DCSTAMP: variants seen among roughly 807,000 people sequenced by gnomAD.
DCSTAMP encodes the protein dendrocyte expressed seven transmembrane protein, also known as dendritic cell-specific transmembrane protein.
In DCSTAMP, 25 loss-of-function variants were observed where a neutral mutation model predicts 33.8. The observed-to-expected ratio is 0.74, with a 90% confidence interval of 0.54 to 1.03. DCSTAMP has a LOEUF of 1.03. Ranked by LOEUF, DCSTAMP falls within the 50% of genes least tolerant of loss-of-function variation. The pLI is 0.00. For synonymous variants in DCSTAMP, 245 were observed against 216.7 expected (o/e 1.13, Z -1.15); for missense variants, 531 against 556.8 (o/e 0.95, Z 0.47).
At chr8:104,351,516 G>T (rs915665617) in intron 2 of DCSTAMP, among the ~76,000 whole-genome samples, 7 of 152,226 alleles carry the variant, frequency 4.6e-5, no homozygotes, top group Admixed American at 1.3e-4. Context: ...TGCTCCATAG[G>T]CAGAGAAAGA....
Position 104,354,346 on chromosome 8 carries a change from C to G in DCSTAMP, c.1030-531C>G, listed in dbSNP as rs1810552888. Among the ~76,000 whole-genome samples, 2 of 152,216 alleles carry G rather than the reference C, an allele frequency of 1.3e-5. 1 individual carries two copies. The highest frequency in any genetic ancestry group is 4.1e-4 in the South Asian group (2 of 4,822). On this transcript the variant is annotated intron_variant, in intron 2 of 3. Transcript: ENST00000297581. ...AACATCTCTGTGACCTTGTGGTCTG[C>G]TTAAGGGGTATTGGGAGGATATGAT...
rs553933488 is a variant in DCSTAMP, at chr8:104,343,570, G to T, written c.-13+3708G>T. ...AAGGAAGTAATTAAGGTTAAATGAG[G>T]TCCTAAGTGTGGAGCCCTCATCTGA... On this transcript the variant is annotated intron_variant, in intron 1 of 3. Coordinates refer to ENST00000297581, the MANE Select transcript of DCSTAMP (RefSeq NM_030788.4). 2.8e-4 allele frequency among the ~76,000 whole-genome samples: 42 copies of T among 152,288 alleles called. No individual in the cohort carries two copies. In the South Asian group the frequency reaches 2.9e-3, roughly 11 times the overall value.
At chr8:104,349,662 C>G in intron 2 of DCSTAMP, 81 bp downstream of exon 2, 1 of 1,483,548 alleles carries the variant, frequency 6.7e-7, no homozygotes, top group South Asian at 1.3e-5. Context: ...CCTCCCGAGG[C>G]AGGGCAGTGG....
At chr8:104,348,318 G>C (rs551747797) in intron 1 of DCSTAMP, among the ~76,000 whole-genome samples, 1 of 152,256 alleles carries the variant, frequency 6.6e-6, no homozygotes, top group African/African-American at 2.4e-5. Flanking sequence ...ATTGGGCAAA[G>C]AAGTCACAAG....
chr8:104,349,866 G>A lies in DCSTAMP; in HGVS notation c.1029+285G>A, dbSNP rs1451556344. Among the ~76,000 whole-genome samples, 4 of 152,266 alleles carry A rather than the reference G, an allele frequency of 2.6e-5. No homozygotes were observed. The South Asian group carries it at 8.3e-4, about 32-fold the overall frequency. ...AGAAGTTTATTCTTGGATAGTTCTG[G>A]GGGGAGAAGTATGAAGTGAGTGTCG... On this transcript the variant is annotated intron_variant, in intron 2 of 3. Coordinates refer to ENST00000297581, the MANE Select transcript of DCSTAMP (RefSeq NM_030788.4).
At chr8:104,345,994 G>A (rs560409712) in intron 1 of DCSTAMP, among the ~76,000 whole-genome samples, 5 of 152,184 alleles carry the variant, frequency 3.3e-5, no homozygotes, top group Non-Finnish European at 7.3e-5. Context: ...GTCACATCAC[G>A]CAGAGCCATG....
chr8:104,356,048 A>G, intron 3 of DCSTAMP, 76 bp from the exon 4 acceptor site: 1 of 1,338,614 alleles, frequency 7.5e-7, no homozygotes, highest in Non-Finnish European at 1.0e-6. Context: ...TAACCCCACA[A>G]TGAAAAATTG....
At chr8:104,341,553 C>T (rs546003592) in intron 1 of DCSTAMP, among the ~76,000 whole-genome samples, 4 of 152,194 alleles carry the variant, frequency 2.6e-5, no homozygotes, top group Non-Finnish European at 5.9e-5. Context: ...TGTCTGCTAG[C>T]TAGCATGGGC....
intron 2 of DCSTAMP, among the ~76,000 whole-genome samples, chr8:104,353,508 T>G (rs1187627937): frequency 1.3e-5 from 2 of 152,246 alleles, no homozygotes; most frequent in African/African-American, 4.8e-5. Context: ...ATATGTTTGT[T>G]TCTTCAATAG....
At chr8:104,353,504 T>A (rs1810524496) in intron 2 of DCSTAMP, among the ~76,000 whole-genome samples, 1 of 152,220 alleles carries the variant, frequency 6.6e-6, no homozygotes, top group African/African-American at 2.4e-5. Flanking sequence ...ATCGATATGT[T>A]TGTTTCTTCA....
At chr8:104,353,754 G>GATCCTAT (rs1810533119) in intron 2 of DCSTAMP, among the ~76,000 whole-genome samples, 2 of 152,240 alleles carry the variant, frequency 1.3e-5, no homozygotes, top group Non-Finnish European at 2.9e-5. Flanking sequence ...CGTCCGCTGG[G>GATCCTAT]TGTAGTTGGG....
intron 1 of DCSTAMP, among the ~76,000 whole-genome samples, chr8:104,343,403 CA>C (rs2099383295): frequency 6.6e-6 from 1 of 152,212 alleles, no homozygotes; most frequent in South Asian, 2.1e-4. Flanking sequence ...GACATTGACA[CA>C]AGCTATAGTT....
intron 2 of DCSTAMP, among the ~76,000 whole-genome samples, chr8:104,351,400 T>G (rs927045974): frequency 1.3e-5 from 2 of 152,142 alleles, no homozygotes; most frequent in Non-Finnish European, 2.9e-5. Flanking sequence ...ACCCCAAAAT[T>G]GGGGCTTAGC....
intron 3 of DCSTAMP, 99 bp downstream of exon 3, chr8:104,355,284 C>T: frequency 7.9e-7 from 1 of 1,260,358 alleles, no homozygotes; most frequent in Non-Finnish European, 1.1e-6. Context: ...TTCAACTTCA[C>T]ATCAGGGCTT....
intron 2 of DCSTAMP, among the ~76,000 whole-genome samples, chr8:104,353,048 T>A (rs978124735): frequency 6.6e-6 from 1 of 152,348 alleles, no homozygotes; most frequent in East Asian, 1.9e-4. Flanking sequence ...TTTAATTATG[T>A]GTTTTGAATA....
intron 2 of DCSTAMP, among the ~76,000 whole-genome samples, chr8:104,351,411 C>T (rs1329346727): frequency 6.6e-6 from 1 of 152,150 alleles, no homozygotes; most frequent in Non-Finnish European, 1.5e-5. Flanking sequence ...GGGGCTTAGC[C>T]TAGGAGGGTT....
At chr8:104,353,012 A>G (rs1810507726) in intron 2 of DCSTAMP, among the ~76,000 whole-genome samples, 1 of 152,220 alleles carries the variant, frequency 6.6e-6, no homozygotes, top group Non-Finnish European at 1.5e-5. Context: ...GGTGCTGCCA[A>G]TATTTCTCCC....
intron 1 of DCSTAMP, among the ~76,000 whole-genome samples, chr8:104,342,302 G>T (rs965098663): frequency 7.2e-5 from 11 of 152,236 alleles, no homozygotes; most frequent in African/African-American, 2.7e-4. Context: ...AACGTCATCT[G>T]ATGATCAAGG....
chr8:104,354,947 C>G lies in DCSTAMP; in HGVS notation c.1100C>G (p.Pro367Arg), dbSNP rs1245212150. The G allele has an allele frequency of 6.2e-7, 1 of 1,613,654 alleles. No homozygotes were observed. Among genetic ancestry groups the G allele is most frequent in the East Asian group, 2.2e-5 (1 of 44,882 alleles). ...TCTGTGTTTGAACCCAACTGTATCC[C>G]AAAACCAAAATTCCTTCTATCTGAG... is the stretch of plus-strand genomic sequence containing the variant. ...NISVFEPNCI[P>R]KPKFLLSETW... The change falls in exon 3 of 4, where the codon CCA (proline) becomes CGA (arginine). Residue 367 changes from proline (P) to arginine (R), a missense_variant. Coordinates refer to ENST00000297581, the MANE Select transcript of DCSTAMP (RefSeq NM_030788.4).
Sources: allele counts gnomAD v4.1 joint callset (sites outside exome capture counted in the v4.1 genomes callset), GRCh38; gene constraint gnomAD v4.1.1; transcripts MANE v1.5; gene names NCBI Gene and HGNC (gene_info 2026-07-23, HGNC 2026-07-21).